The following SCAI variants were observed in gnomAD, a reference collection of about 807,000 sequenced individuals.
The protein encoded by SCAI is protein SCAI.
A neutral mutation model predicts 92.2 loss-of-function variants in SCAI; 24 were observed. The ratio of observed to expected loss-of-function variants is 0.26; its 90% confidence interval spans 0.19 to 0.37. SCAI has a LOEUF of 0.37. SCAI is among the 10% of genes least tolerant of loss of function. SCAI has a pLI of 1.00. For synonymous variants in SCAI, 261 were observed against 258.6 expected (o/e 1.01, Z -0.09); for missense variants, 450 against 736.2 (o/e 0.61, Z 4.50).
chr9:125,067,871 A>G (rs1018114491), intron 2 of SCAI, among the ~76,000 whole-genome samples: 1 of 152,250 alleles, frequency 6.6e-6, no homozygotes, highest in Non-Finnish European at 1.5e-5. Flanking sequence ...TGTTTTGCTG[A>G]GTAAAGAAAA....
chr9:125,021,340 C>T (rs973508472), intron 6 of SCAI, among the ~76,000 whole-genome samples: 5 of 152,158 alleles, frequency 3.3e-5, no homozygotes, highest in Non-Finnish European at 7.3e-5. Flanking sequence ...AGGTTTATAT[C>T]TACCACCTTG....
intron 2 of SCAI, among the ~76,000 whole-genome samples, chr9:125,065,220 A>C (rs1014006267): frequency 1.3e-5 from 2 of 152,192 alleles, no homozygotes; most frequent in African/African-American, 4.8e-5. Flanking sequence ...GGGGGAAAAA[A>C]AACAACAACA....
At chr9:125,037,919 G>GAA (rs983965723) in intron 3 of SCAI, among the ~76,000 whole-genome samples, 1 of 145,952 alleles carries the variant, frequency 6.9e-6, no homozygotes, top group Non-Finnish European at 1.5e-5. Flanking sequence ...TCCATCTCAG[G>GAA]AAAAAAAAAA....
intron 1 of SCAI, 100 bp from the exon 2 acceptor site, chr9:125,142,777 G>A (rs1472259620): frequency 1.6e-5 from 16 of 993,818 alleles, no homozygotes; most frequent in Non-Finnish European, 2.6e-5. Context: ...CCACCCTCTG[G>A]GACCACAGGC....
At chr9:125,011,577 A>G (rs1429222618) in intron 9 of SCAI, among the ~76,000 whole-genome samples, 19 of 150,744 alleles carry the variant, frequency 1.3e-4, no homozygotes, top group South Asian at 4.2e-4. Context: ...TGAAAGTGAC[A>G]GGGAGAATGG....
chr9:125,121,928 C>G (rs1463112085), intron 2 of SCAI, among the ~76,000 whole-genome samples: 1 of 152,130 alleles, frequency 6.6e-6, no homozygotes, highest in Non-Finnish European at 1.5e-5. Context: ...ATTTTATCAT[C>G]TAGTTATTGA....
intron 2 of SCAI, 57 bp from the exon 3 acceptor site, chr9:125,056,064 C>T (rs1417768039): frequency 2.3e-6 from 3 of 1,331,782 alleles, no homozygotes; most frequent in East Asian, 2.4e-5. Context: ...TAGAAAAAAA[C>T]CTTAGTTATA....
intron 17 of SCAI, among the ~76,000 whole-genome samples, chr9:124,961,935 A>C (rs1343346717): frequency 6.7e-6 from 1 of 149,416 alleles, no homozygotes; most frequent in Non-Finnish European, 1.5e-5. Flanking sequence ...CTGTTCAGGC[A>C]GGTATCCTTT....
chr9:124,997,532 T>C (rs898762551), intron 13 of SCAI, among the ~76,000 whole-genome samples: 2 of 152,200 alleles, frequency 1.3e-5, no homozygotes, highest in Non-Finnish European at 2.9e-5. Context: ...AGAAAAATTC[T>C]AGAGCCAATG....
intron 2 of SCAI, among the ~76,000 whole-genome samples, chr9:125,123,192 T>A (rs1475095174): frequency 1.3e-5 from 2 of 152,022 alleles, no homozygotes; most frequent in Non-Finnish European, 2.9e-5. Context: ...TAAAACTCTG[T>A]CTCTAATAAA....
intron 3 of SCAI, among the ~76,000 whole-genome samples, chr9:125,035,472 T>C (rs1395980846): frequency 6.6e-6 from 1 of 152,042 alleles, no homozygotes; most frequent in African/African-American, 2.4e-5. Flanking sequence ...ATCAATATGG[T>C]GTATGGATGG....
intron 2 of SCAI, among the ~76,000 whole-genome samples, chr9:125,109,191 A>G (rs1163490997): frequency 1.3e-5 from 2 of 152,086 alleles, no homozygotes; most frequent in African/African-American, 4.8e-5. Context: ...CCACTCCCTA[A>G]TCTCAAGTAC....
chr9:125,060,733 G>A (rs369494272), intron 2 of SCAI, among the ~76,000 whole-genome samples: 16 of 152,086 alleles, frequency 1.1e-4, no homozygotes, highest in African/African-American at 2.2e-4. Flanking sequence ...AGCACCTTTC[G>A]CCTCCTATCA....
At chr9:125,100,003 T>A (rs1834645894) in intron 2 of SCAI, among the ~76,000 whole-genome samples, 1 of 152,264 alleles carries the variant, frequency 6.6e-6, no homozygotes, top group African/African-American at 2.4e-5. Context: ...CTAACCTTGG[T>A]GTACCAATCT....
intron 2 of SCAI, among the ~76,000 whole-genome samples, chr9:125,083,603 G>A (rs1588207346): frequency 6.6e-6 from 1 of 150,728 alleles, no homozygotes; most frequent in Non-Finnish European, 1.5e-5. Flanking sequence ...ACATGGAACT[G>A]TAAGTCCAAT....
chr9:125,042,634 T>TGTGTGTGTGTGTGTACACACAC (rs761672178), intron 3 of SCAI, among the ~76,000 whole-genome samples: 4 of 96,190 alleles, frequency 4.2e-5, no homozygotes, highest in South Asian at 8.0e-4. Flanking sequence ...TGTGTGTGTG[T>TGTGTGTGTGTGTGTACACACAC]ACACACACAC....
intron 17 of SCAI, chr9:124,968,241 A>C: frequency 9.6e-7 from 1 of 1,042,312 alleles, no homozygotes; most frequent in Non-Finnish European, 1.4e-6. Flanking sequence ...CTGCATAATG[A>C]AGCTGGGGTC....
At chr9:125,139,247 T>C (rs1377197471) in intron 2 of SCAI, among the ~76,000 whole-genome samples, 3 of 152,122 alleles carry the variant, frequency 2.0e-5, no homozygotes, top group Non-Finnish European at 4.4e-5. Flanking sequence ...ACCCCACCTC[T>C]ACAAAAAATG....
chr9:125,101,449 T>C (rs915315874), intron 2 of SCAI, among the ~76,000 whole-genome samples: 1 of 152,102 alleles, frequency 6.6e-6, no homozygotes, highest in Non-Finnish European at 1.5e-5. Flanking sequence ...ATGCAGAGGA[T>C]AAGACAAGGT....
Sources: gnomAD v4.1 joint callset for allele counts (sites outside exome capture counted in the v4.1 genomes callset) on GRCh38, gnomAD v4.1.1 for gene constraint, MANE v1.5 for transcripts, NCBI Gene and HGNC (gene_info 2026-07-23, HGNC 2026-07-21) for gene names.